The following CSMD1 variants were observed in gnomAD, a reference collection of about 807,000 sequenced individuals.
CSMD1 encodes the protein CUB and Sushi multiple domains 1.
CSMD1 carries 213 observed loss-of-function variants against 417.5 expected under a neutral mutation model. The ratio of observed to expected loss-of-function variants is 0.51; its 90% CI spans 0.46 to 0.57. The LOEUF (loss-of-function observed/expected upper bound fraction) is 0.57, where lower values mean the gene tolerates loss of function less well. Ranked by LOEUF, CSMD1 falls within the 20% of genes least tolerant of loss-of-function variation. CSMD1 has a pLI of 0.00. For missense variants in CSMD1, 6,923 were observed against 4,529.7 expected (o/e 1.53, Z -15.17); for synonymous variants, 2,862 against 1,736.8 (o/e 1.65, Z -16.11).
chr8:4,271,750 A>C (rs1385409091), intron 3 of CSMD1, among the ~76,000 whole-genome samples: 1 of 152,192 alleles, frequency 6.6e-6, no homozygotes, highest in African/African-American at 2.4e-5. Context: ...ATATACTTAT[A>C]CATATAAAAC....
At chr8:3,990,013 G>C (rs1355725636) in intron 5 of CSMD1, among the ~76,000 whole-genome samples, 1 of 152,162 alleles carries the variant, frequency 6.6e-6, no homozygotes, top group Non-Finnish European at 1.5e-5. Context: ...GTGCCAGTTG[G>C]CTGATTTGAG....
At position 4,994,389 on chromosome 8, in the gene CSMD1, G is replaced by C; in HGVS notation, c.28C>G (p.Leu10Val). ...ACCAGCAGCCCGAGAAGCAGGAGCAGCGACTGGAATCTCCTCCACGCAGTC... is the reference window on the plus strand; with the variant it reads ...ACCAGCAGCCCGAGAAGCAGGAGCACCGACTGGAATCTCCTCCACGCAGTC... MTAWRRFQSLLLLLGLLVLC... is the reference protein window; with the variant it reads MTAWRRFQSVLLLLGLLVLC... The change falls in exon 1 of 70, where the codon CTG (leucine) becomes GTG (valine). Residue 10 changes from leucine (L) to valine (V), a missense_variant. Leu to Val is a conservative substitution (Grantham distance 32, BLOSUM62 1). Coordinates refer to ENST00000635120, the MANE Select transcript of CSMD1 (RefSeq NM_033225.6). 6.2e-7 allele frequency: 1 copy of C among 1,612,348 alleles called. No individual in the cohort carries two copies. The highest frequency in any genetic ancestry group is 8.5e-7 in the Non-Finnish European group (1 of 1,179,840).
chr8:4,323,137 G>A (rs890289162), intron 3 of CSMD1, among the ~76,000 whole-genome samples: 2 of 152,198 alleles, frequency 1.3e-5, no homozygotes, highest in South Asian at 2.1e-4. Context: ...TTCCAAAGTT[G>A]TTTCCTCATT....
At chr8:4,169,871 G>A (rs1003107847) in intron 3 of CSMD1, among the ~76,000 whole-genome samples, 1 of 149,672 alleles carries the variant, frequency 6.7e-6, no homozygotes, top group Admixed American at 6.6e-5. Flanking sequence ...AGGATACTGT[G>A]TAATTTACTT....
At chr8:3,671,506 TATATATGATC>T (rs1321017316) in intron 7 of CSMD1, among the ~76,000 whole-genome samples, 1 of 8,228 alleles carries the variant, frequency 1.2e-4, no homozygotes, top group African/African-American at 5.1e-4. Context: ...CATATATATA[TATATATGATC>T]ATATATATGA....
Position 3,142,685 on chromosome 8 carries a change from A to G in CSMD1, c.6032-11T>C. The G allele has an allele frequency of 1.9e-6, 3 of 1,594,986 alleles. No homozygotes were observed. Among genetic ancestry groups the G allele is most frequent in the South Asian group, 1.1e-5 (1 of 90,666 alleles). On this transcript the variant is annotated splice_polypyrimidine_tract_variant and intron_variant, in intron 40 of 69. Transcript: ENST00000635120. ...ACTGAATATGTGCACCTATGGAAAA[A>G]CATGCAAACTTAATGAAAGTTCATA...
chr8:3,727,302 T>C (rs558155212), intron 6 of CSMD1, among the ~76,000 whole-genome samples: 1 of 152,346 alleles, frequency 6.6e-6, no homozygotes, highest in South Asian at 2.1e-4. Context: ...AGTCAGCTCA[T>C]CTGCAGAGCC....
intron 26 of CSMD1, among the ~76,000 whole-genome samples, chr8:3,238,222 T>C (rs137983674): frequency 0.069 from 10,488 of 151,850 alleles, 469 homozygotes; most frequent in East Asian, 0.22. Flanking sequence ...AGGGGAGCTT[T>C]TGAGCCAGGA....
chr8:4,315,225 A>G (rs1344432122), intron 3 of CSMD1, among the ~76,000 whole-genome samples: 1 of 152,156 alleles, frequency 6.6e-6, no homozygotes, highest in Non-Finnish European at 1.5e-5. Context: ...TGCTCAAAGG[A>G]AAGCCCAGCT....
intron 1 of CSMD1, among the ~76,000 whole-genome samples, chr8:4,689,550 T>A (rs1242344096): frequency 6.6e-6 from 1 of 152,242 alleles, no homozygotes; most frequent in Admixed American, 6.5e-5. Flanking sequence ...TTATTAAGAA[T>A]ATTCAAGTTA....
chr8:3,656,371 G>C (rs1486811657), intron 7 of CSMD1, among the ~76,000 whole-genome samples: 1 of 151,722 alleles, frequency 6.6e-6, no homozygotes, highest in Non-Finnish European at 1.5e-5. Flanking sequence ...TTATTTGATA[G>C]ATGACACCTG....
intron 3 of CSMD1, among the ~76,000 whole-genome samples, chr8:4,199,669 G>C (rs973075244): frequency 2.0e-5 from 3 of 152,106 alleles, no homozygotes; most frequent in Non-Finnish European, 4.4e-5. Context: ...TATGAGGCTG[G>C]ACAGGCAAGG....
At chr8:4,344,055 G>A (rs537512505) in intron 3 of CSMD1, among the ~76,000 whole-genome samples, 61 of 152,218 alleles carry the variant, frequency 4.0e-4, no homozygotes, top group African/African-American at 1.3e-3. Context: ...GTGTATGTGC[G>A]TGTGCGCACA....
chr8:4,791,059 GGAGAGAGACGGT>G (rs137905173), intron 1 of CSMD1, among the ~76,000 whole-genome samples: 15,740 of 143,774 alleles, frequency 0.11, 903 homozygotes, highest in South Asian at 0.15. Flanking sequence ...AAGCTAGTAG[GGAGAGAGACGGT>G]GAGAGAGACG....
chr8:3,090,462 C>T (rs1055312254), intron 48 of CSMD1, among the ~76,000 whole-genome samples: 1 of 151,876 alleles, frequency 6.6e-6, no homozygotes. Context: ...GGAAGAATAT[C>T]TGAATTTCTT....
intron 2 of CSMD1, among the ~76,000 whole-genome samples, chr8:4,467,791 A>G (rs968385698): frequency 6.6e-5 from 10 of 152,216 alleles, no homozygotes; most frequent in Admixed American, 2.6e-4. Context: ...ACTATTTCTT[A>G]TATGGGGAAA....
intron 1 of CSMD1, among the ~76,000 whole-genome samples, chr8:4,823,649 G>C (rs993516422): frequency 1.3e-5 from 2 of 152,012 alleles, no homozygotes; most frequent in Non-Finnish European, 1.5e-5. Flanking sequence ...AGAAAGAATA[G>C]CAATAATCAC....
intron 1 of CSMD1, among the ~76,000 whole-genome samples, chr8:4,829,045 G>C (rs925721193): frequency 2.0e-5 from 3 of 152,100 alleles, no homozygotes; most frequent in African/African-American, 7.2e-5. Context: ...GAAAAGTAAT[G>C]ATAACTTAAT....
intron 2 of CSMD1, among the ~76,000 whole-genome samples, chr8:4,462,684 T>A (rs1375571579): frequency 2.6e-5 from 4 of 152,190 alleles, no homozygotes; most frequent in Non-Finnish European, 1.5e-5. Flanking sequence ...TAAAAACCAC[T>A]GACATTACCC....
Sources: allele counts gnomAD v4.1 joint callset (sites outside exome capture counted in the v4.1 genomes callset), GRCh38; gene constraint gnomAD v4.1.1; transcripts MANE v1.5; gene names NCBI Gene and HGNC (gene_info 2026-07-23, HGNC 2026-07-21).